The following MED4 variants were observed in gnomAD, a reference collection of about 807,000 sequenced individuals.
MED4 encodes mediator of RNA polymerase II transcription subunit 4.
MED4 carries 21 observed loss-of-function variants against 35.0 expected under a neutral mutation model. The ratio of observed to expected loss-of-function variants is 0.60; its 90% CI spans 0.43 to 0.86. MED4 has a LOEUF of 0.86. Ranked by LOEUF, MED4 falls within the 40% of genes least tolerant of loss-of-function variation. MED4 has a pLI of 0.00. For missense variants in MED4, 300 were observed against 319.4 expected (o/e 0.94, Z 0.46); for synonymous variants, 138 against 114.0 (o/e 1.21, Z -1.34).
At chr13:48,092,110 TA>T (rs1950894026) in intron 1 of MED4, among the ~76,000 whole-genome samples, 1 of 152,126 alleles carries the variant, frequency 6.6e-6, no homozygotes, top group South Asian at 2.1e-4. Flanking sequence ...ATTCTTTTTT[TA>T]TTTTTTATTT....
chr13:48,091,985 G>A (rs1264736296), intron 1 of MED4, among the ~76,000 whole-genome samples: 2 of 152,210 alleles, frequency 1.3e-5, no homozygotes, highest in African/African-American at 4.8e-5. Flanking sequence ...AGCTGAGGAG[G>A]TGTAGCCAGG....
intron 6 of MED4, 130 bp from the exon 7 acceptor site, chr13:48,077,441 G>T: frequency 1.3e-6 from 1 of 781,136 alleles, no homozygotes. Context: ...TTTTGACACA[G>T]GGTCTCATTC....
rs779627682 is a variant in MED4 at position 48,086,408 on chromosome 13, T to C, written c.237A>G (p.Leu79=). 5.0e-6 allele frequency: 8 copies of C among 1,613,634 alleles called. No homozygotes were observed. Among genetic ancestry groups the C allele is most frequent in the Non-Finnish European group, 6.8e-6 (8 of 1,179,866 alleles). The part of the protein sequence containing the change: ...LIHRDGEFQE[L]MKLALNQGKI... ...TTCCCTGATTAAGTGCCAATTTCAT[T>C]AGTTCTTGAAATTCCCCATCTCGGT... The change falls in exon 3 of 7, where the codon CTA becomes CTG. Residue 79 remains leucine (L), a synonymous_variant. Coordinates refer to ENST00000258648, the MANE Select transcript of MED4 (RefSeq NM_014166.4).
chr13:48,090,560 G>T (rs1412505097), intron 1 of MED4, 142 bp from the exon 2 acceptor site: 1 of 585,288 alleles, frequency 1.7e-6, no homozygotes, highest in South Asian at 2.9e-5. Context: ...ATTTATAAAA[G>T]TTCTACTTAA....
chr13:48,094,219 TG>T (rs1340910741), intron 1 of MED4, among the ~76,000 whole-genome samples: 1 of 152,174 alleles, frequency 6.6e-6, no homozygotes, highest in Non-Finnish European at 1.5e-5. Flanking sequence ...ACAGCGGGGT[TG>T]GAACGAGAGG....
intron 1 of MED4, 24 bp downstream of exon 1, chr13:48,094,930 C>T (rs1177505526): frequency 6.2e-7 from 1 of 1,600,082 alleles, no homozygotes; most frequent in East Asian, 2.2e-5. Context: ...AGCTCCAGCC[C>T]GGCTCTCAGG....
chr13:48,092,740 C>T (rs1950899121), intron 1 of MED4, among the ~76,000 whole-genome samples: 6 of 152,134 alleles, frequency 3.9e-5, no homozygotes, highest in Admixed American at 3.9e-4. Flanking sequence ...TTTTAGTGTA[C>T]GCCACAAGTG....
At chr13:48,084,406 A>C (rs1204582727) in intron 3 of MED4, among the ~76,000 whole-genome samples, 1 of 152,198 alleles carries the variant, frequency 6.6e-6, no homozygotes, top group African/African-American at 2.4e-5. Context: ...GACTTGATAT[A>C]AACTGTTAGG....
At chr13:48,079,479 AC>A (rs1950787740) in intron 6 of MED4, among the ~76,000 whole-genome samples, 1 of 152,166 alleles carries the variant, frequency 6.6e-6, no homozygotes, top group Admixed American at 6.5e-5. Context: ...ACTGGCTCAC[AC>A]CTGTAATTCC....
At chr13:48,081,462 C>A (rs191119160) in intron 5 of MED4, among the ~76,000 whole-genome samples, 183 bp downstream of exon 5, 1 of 152,274 alleles carries the variant, frequency 6.6e-6, no homozygotes, top group East Asian at 1.9e-4. Context: ...AATGGCTTCA[C>A]AGAAAACCAA....
intron 1 of MED4, among the ~76,000 whole-genome samples, chr13:48,091,721 T>G (rs1950891611): frequency 6.6e-6 from 1 of 152,198 alleles, no homozygotes; most frequent in African/African-American, 2.4e-5. Flanking sequence ...GCACTTAAAT[T>G]CTAATACAAG....
rs1002249498 is a variant in MED4, at chr13:48,075,778, T to C, written c.*1361A>G. On this transcript the variant is annotated 3_prime_UTR_variant, in exon 7 of 7. Transcript: ENST00000258648. The stretch of plus-strand genomic sequence containing the variant: ...ATGTATACACATGGATCAATATTCC[T>C]AGTATACGGACAAGGCAAGGTTAAA... Among the ~76,000 whole-genome samples the C allele has an allele frequency of 6.6e-6, 1 of 152,242 alleles. No individual in the cohort carries two copies. Among genetic ancestry groups the C allele is most frequent in the African/African-American group, 2.4e-5 (1 of 41,458 alleles).
In MED4 at chr13:48,087,561, G is replaced by A. The variant is rs902354565; in HGVS notation, c.193-1109C>T. On this transcript the variant is annotated intron_variant, in intron 2 of 6. Coordinates refer to ENST00000258648, the MANE Select transcript of MED4 (RefSeq NM_014166.4). Reference sequence around the variant, plus strand: ...ACAATGAAGATGATCTTAAAAATACGGTGATTTCGGCCAGGCGCAGTGGCT... The same window carrying A: ...ACAATGAAGATGATCTTAAAAATACAGTGATTTCGGCCAGGCGCAGTGGCT... Among the ~76,000 whole-genome samples the A allele has an allele frequency of 3.3e-5, 5 of 149,994 alleles. No individual in the cohort carries two copies. The East Asian group carries it at 6.0e-4, about 18-fold the overall frequency.
intron 1 of MED4, among the ~76,000 whole-genome samples, chr13:48,094,174 CTGTT>C (rs568081175): frequency 9.7e-4 from 148 of 152,282 alleles, no homozygotes; most frequent in African/African-American, 3.3e-3. Context: ...GCAATTAAAA[CTGTT>C]TGGGAGGCTA....
intron 6 of MED4, among the ~76,000 whole-genome samples, chr13:48,077,918 T>C (rs1047039041): frequency 6.6e-6 from 1 of 152,170 alleles, no homozygotes; most frequent in Non-Finnish European, 1.5e-5. Flanking sequence ...ATTATATGCA[T>C]ATATAATACA....
intron 3 of MED4, 30 bp downstream of exon 3, chr13:48,086,252 A>G (rs202092224): frequency 3.5e-5 from 56 of 1,597,732 alleles, no homozygotes; most frequent in Middle Eastern, 3.7e-4. Context: ...CATCCTTTTT[A>G]ACCTTAAGAA....
At chr13:48,082,925 T>C (rs1218948248) in intron 4 of MED4, among the ~76,000 whole-genome samples, 1 of 152,242 alleles carries the variant, frequency 6.6e-6, no homozygotes, top group East Asian at 1.9e-4. Context: ...CCAAATGTGC[T>C]TATATGCCAA....
rs548352782 is a variant in MED4 at position 48,093,102 on chromosome 13, G to A, written c.125+1852C>T. Among the ~76,000 whole-genome samples the A allele has an allele frequency of 2.0e-5, 3 of 152,282 alleles. No individual in the cohort carries two copies. In the South Asian group the frequency reaches 6.2e-4, roughly 32 times the overall value. On this transcript the variant is annotated intron_variant, in intron 1 of 6. Coordinates refer to ENST00000258648, the MANE Select transcript of MED4 (RefSeq NM_014166.4). ...TCCCAGCATACTGCATTAGAATCCA[G>A]ACACAATTCCCCATAGAAATAAAAT...
In MED4 at chr13:48,094,656, G is replaced by T. The variant is rs7986400; in HGVS notation, c.125+298C>A. Among the ~76,000 whole-genome samples the T allele has an allele frequency of 0.29, 43,867 of 151,916 alleles. 7,923 individuals are homozygous for T. Among genetic ancestry groups the T allele is most frequent in the African/African-American group, 0.51 (21,144 of 41,420 alleles). On this transcript the variant is annotated intron_variant, in intron 1 of 6. Transcript: ENST00000258648. Reference sequence around the variant, plus strand: ...GGCATCCAGTCTACCCTTCACTACCGTCTCCCCAATGCTGAGCCCCCAAGG... The same window carrying T: ...GGCATCCAGTCTACCCTTCACTACCTTCTCCCCAATGCTGAGCCCCCAAGG...
Sources: allele counts gnomAD v4.1 joint callset (sites outside exome capture counted in the v4.1 genomes callset), GRCh38; gene constraint gnomAD v4.1.1; transcripts MANE v1.5; gene names NCBI Gene and HGNC (gene_info 2026-07-23, HGNC 2026-07-21).